Variants in SLC28A1 observed in about 807,000 individuals in gnomAD.
SLC28A1 encodes sodium/nucleoside cotransporter 1.
Under a neutral mutation model 74.8 loss-of-function variants are expected in SLC28A1, and 64 were observed. That is an observed-to-expected ratio of 0.86 (90% CI 0.70 to 1.05). The LOEUF (loss-of-function observed/expected upper bound fraction) is 1.05, where lower values mean the gene tolerates loss of function less well. Among genes scored for constraint, SLC28A1 ranks in the 50% least tolerant of loss-of-function variants. SLC28A1 has a pLI of 0.00. For synonymous variants in SLC28A1, 359 were observed against 335.0 expected (o/e 1.07, Z -0.78); for missense variants, 828 against 822.8 (o/e 1.01, Z -0.08).
intron 9 of SLC28A1, among the ~76,000 whole-genome samples, chr15:84,909,026 A>C (rs1349256386): frequency 1.7e-5 from 1 of 58,396 alleles, no homozygotes; most frequent in Non-Finnish European, 3.2e-5. Context: ...AAAGTAAGAT[A>C]TTTCTGTATG....
intron 12 of SLC28A1, among the ~76,000 whole-genome samples, chr15:84,924,874 G>T (rs975728738): frequency 6.6e-5 from 10 of 151,542 alleles, no homozygotes; most frequent in African/African-American, 2.4e-4. Context: ...CTTCCCATGG[G>T]TAACTGATTT....
downstream of SLC28A1, among the ~76,000 whole-genome samples, chr15:84,948,695 A>G (rs2079314338): frequency 6.6e-6 from 1 of 152,050 alleles, no homozygotes; most frequent in South Asian, 2.1e-4. Context: ...AACCTAAACT[A>G]ATTGAGAAGG....
chr15:84,908,955 G>A (rs994923034), intron 9 of SLC28A1, among the ~76,000 whole-genome samples, 160 bp downstream of exon 9: 2 of 152,158 alleles, frequency 1.3e-5, no homozygotes, highest in Non-Finnish European at 2.9e-5. Context: ...CCTGGGGCCC[G>A]GGAGGAGCCC....
At chr15:84,923,472 A>G (rs12910476) in intron 11 of SLC28A1, among the ~76,000 whole-genome samples, 123,032 of 152,018 alleles carry the variant, frequency 0.81, 49,981 homozygotes, top group South Asian at 0.89. Context: ...CTCAACAACT[A>G]GATACTGAAT....
intron 9 of SLC28A1, among the ~76,000 whole-genome samples, chr15:84,910,281 T>C (rs772261814): frequency 8.5e-5 from 13 of 152,192 alleles, no homozygotes; most frequent in Non-Finnish European, 1.3e-4. Flanking sequence ...CCTAATACCA[T>C]ATTCCTTTAG....
chr15:84,900,421 AAAAG>A (rs1194970884), intron 6 of SLC28A1, among the ~76,000 whole-genome samples: 3 of 150,830 alleles, frequency 2.0e-5, no homozygotes, highest in African/African-American at 7.3e-5. Context: ...AAAAAAAAAA[AAAAG>A]AAGAAGAAGA....
At chr15:84,894,875 G>T in intron 5 of SLC28A1, 65 bp from the exon 6 acceptor site, 2 of 1,514,850 alleles carry the variant, frequency 1.3e-6, no homozygotes, top group Admixed American at 1.7e-5. Flanking sequence ...GTCCGCGGGC[G>T]GGGCTGCAGG....
At chr15:84,888,991 G>A (rs1377727924) in intron 4 of SLC28A1, 131 bp downstream of exon 4, 11 of 695,120 alleles carry the variant, frequency 1.6e-5, no homozygotes, top group South Asian at 9.6e-5. Context: ...GAATAAAGGC[G>A]CTTTAGCCAA....
the SLC28A1 span, among the ~76,000 whole-genome samples, chr15:84,959,144 C>A: frequency 6.6e-6 from 1 of 151,208 alleles, no homozygotes; most frequent in Non-Finnish European, 1.5e-5. Flanking sequence ...CACTCTGTCA[C>A]CCAGGCTGGA....
chr15:84,956,479 CT>C, the SLC28A1 span, among the ~76,000 whole-genome samples: 1 of 137,628 alleles, frequency 7.3e-6, no homozygotes, highest in Non-Finnish European at 1.5e-5. Context: ...TTCTTTCTTT[CT>C]TTCTTTCTTT....
At chr15:84,909,761 C>A (rs910486296) in intron 9 of SLC28A1, among the ~76,000 whole-genome samples, 1 of 152,268 alleles carries the variant, frequency 6.6e-6, no homozygotes, top group Non-Finnish European at 1.5e-5. Context: ...TTTTCTGCCA[C>A]TGATGCGTGG....
At chr15:84,926,686 A>T in intron 12 of SLC28A1, 2 of 354,174 alleles carry the variant, frequency 5.6e-6, no homozygotes, top group Non-Finnish European at 1.1e-5. Flanking sequence ...AGGTGGTAGC[A>T]TTCAGCATGA....
intron 6 of SLC28A1, among the ~76,000 whole-genome samples, chr15:84,896,356 A>G (rs1965997138): frequency 6.6e-6 from 1 of 152,262 alleles, no homozygotes; most frequent in African/African-American, 2.4e-5. Flanking sequence ...ATCAGTAGCC[A>G]TCATGGAAAT....
chr15:84,895,012 G>A lies in SLC28A1; in HGVS notation c.350G>A (p.Cys117Tyr), dbSNP rs1418019852. 6.2e-7 allele frequency: 1 copy of A among 1,614,064 alleles called. No homozygotes were observed. Among genetic ancestry groups the A allele is most frequent in the Admixed American group, 1.7e-5 (1 of 60,006 alleles). The change falls in exon 6 of 19, where the codon TGT becomes TAT. Residue 117 changes from cysteine to tyrosine, a missense_variant. Cys to Tyr is a radical substitution (Grantham distance 194). Coordinates refer to ENST00000394573, the MANE Select transcript of SLC28A1 (RefSeq NM_004213.5). Reference sequence around the variant, plus strand: ...GCCCTGGCTCTGTTTGTCCTCACCTGTGTGGTCCTCACCTTCCTGGGCCAC... The same window carrying A: ...GCCCTGGCTCTGTTTGTCCTCACCTATGTGGTCCTCACCTTCCTGGGCCAC... ...QRALALFVLTCVVLTFLGHRL... is the reference protein window; with the variant it reads ...QRALALFVLTYVVLTFLGHRL...
downstream of SLC28A1, among the ~76,000 whole-genome samples, chr15:84,948,978 C>G (rs940857507): frequency 2.6e-5 from 4 of 152,086 alleles, no homozygotes; most frequent in Non-Finnish European, 4.4e-5. Flanking sequence ...CTTTGTTGTC[C>G]TTTTTCCTAC....
At position 84,890,521 on chromosome 15, in the gene SLC28A1, C is replaced by T. The variant is rs537930211; in HGVS notation, c.264C>T (p.Gly88=). The change falls in exon 5 of 19, where the codon GGC becomes GGT. Residue 88 remains glycine (G), a synonymous_variant. Transcript: ENST00000394573. ...AGCTGTTTCGATGGATCGGCACAGG[C>T]CTGCTCTGCACTGGTGAGCCTGGGG... The part of the protein sequence containing the change: ...HMQLFRWIGT[G]LLCTGLSAFL... 44 of 1,610,602 alleles carry T rather than the reference C, an allele frequency of 2.7e-5. No homozygotes were observed. The South Asian group carries it at 4.5e-4, about 17-fold the overall frequency.
intron 8 of SLC28A1, among the ~76,000 whole-genome samples, chr15:84,906,562 TTCTCTTTCTTTC>T (rs1567140443): frequency 1.1e-5 from 1 of 93,630 alleles, no homozygotes; most frequent in Non-Finnish European, 2.2e-5. Context: ...CTTTCTTTCT[TTCTCTTTCTTTC>T]TTCCTTCCTT....
At chr15:84,954,425 G>A in the SLC28A1 span, among the ~76,000 whole-genome samples, 51 of 152,314 alleles carry the variant, frequency 3.3e-4, no homozygotes, top group African/African-American at 1.2e-3. Context: ...AGAAATAATG[G>A]AAATGTAGCG....
At chr15:84,913,284 T>A (rs982018866) in intron 9 of SLC28A1, among the ~76,000 whole-genome samples, 5 of 152,148 alleles carry the variant, frequency 3.3e-5, no homozygotes, top group Non-Finnish European at 7.4e-5. Flanking sequence ...TCGACAGTGC[T>A]CAAGCCTTGG....
Sources: gnomAD v4.1 joint callset for allele counts (sites outside exome capture counted in the v4.1 genomes callset) on GRCh38, gnomAD v4.1.1 for gene constraint, MANE v1.5 for transcripts, NCBI Gene and HGNC (gene_info 2026-07-23, HGNC 2026-07-21) for gene names.